The following MEGF11 variants were observed in gnomAD, a reference collection of about 807,000 sequenced individuals.
MEGF11 encodes the protein multiple EGF like domains 11, also known as multiple epidermal growth factor-like domains protein 11.
In MEGF11, 126 loss-of-function variants were observed where a neutral mutation model predicts 146.6. The observed-to-expected ratio is 0.86, with a 90% CI of 0.74 to 1.00. The LOEUF (loss-of-function observed/expected upper bound fraction) is 1.00. Ranked by LOEUF, MEGF11 falls within the 50% of genes least tolerant of loss-of-function variation. The pLI, the probability that MEGF11 is intolerant of heterozygous loss-of-function variation, is 0.00. For missense variants in MEGF11, 1,509 were observed against 1,521.2 expected (o/e 0.99, Z 0.13); for synonymous variants, 532 against 583.4 (o/e 0.91, Z 1.27).
chr15:66,113,904 C>A (rs111676321), intron 4 of MEGF11, among the ~76,000 whole-genome samples: 1 of 151,930 alleles, frequency 6.6e-6, no homozygotes, highest in East Asian at 1.9e-4. Context: ...AAAAAGAAAC[C>A]GTTGCCTAGT....
chr15:66,232,942 C>T (rs1446458305), intron 1 of MEGF11, among the ~76,000 whole-genome samples: 1 of 152,128 alleles, frequency 6.6e-6, no homozygotes, highest in East Asian at 1.9e-4. Flanking sequence ...GTGGAGGACC[C>T]TAGTCTGATA....
chr15:66,209,832 T>A (rs199943195), intron 1 of MEGF11, among the ~76,000 whole-genome samples: 3 of 149,588 alleles, frequency 2.0e-5, no homozygotes, highest in Admixed American at 1.3e-4. Context: ...ACAGAAATGT[T>A]TTTTTTTTTT....
At chr15:65,923,986 A>G (rs145294265) in intron 13 of MEGF11, among the ~76,000 whole-genome samples, 76 of 152,282 alleles carry the variant, frequency 5.0e-4, no homozygotes, top group African/African-American at 1.7e-3. Flanking sequence ...TGAATATCAG[A>G]GGCTCAGAGA....
intron 5 of MEGF11, among the ~76,000 whole-genome samples, chr15:66,047,550 A>T (rs1010550642): frequency 6.6e-6 from 1 of 152,178 alleles, no homozygotes; most frequent in Admixed American, 6.5e-5. Context: ...GCCATGAATA[A>T]CCTGTTCCAT....
intron 5 of MEGF11, among the ~76,000 whole-genome samples, chr15:66,026,779 C>A (rs1172699907): frequency 1.3e-5 from 2 of 152,100 alleles, no homozygotes; most frequent in South Asian, 4.1e-4. Context: ...TAAGCCACCA[C>A]ACCTGGCCGA....
Position 66,081,212 on chromosome 15 carries a change from T to C in MEGF11, c.394+13190A>G, listed in dbSNP as rs1286223329. On this transcript the variant is annotated intron_variant, in intron 5 of 25. Transcript: ENST00000395614. The stretch of plus-strand genomic sequence containing the variant: ...TCCAGGTCTGGGAATGAAGAGAGAA[T>C]CAGGGTGGCCATGAGCGGGGTGGCA... 2.0e-5 allele frequency among the ~76,000 whole-genome samples: 3 copies of C among 152,106 alleles called. No homozygotes were observed. The East Asian group carries it at 5.8e-4, about 29-fold the overall frequency.
At chr15:66,080,406 C>T (rs2085798642) in intron 5 of MEGF11, among the ~76,000 whole-genome samples, 1 of 151,974 alleles carries the variant, frequency 6.6e-6, no homozygotes, top group African/African-American at 2.4e-5. Flanking sequence ...ACTGCCCTCC[C>T]ATGATGGCCT....
rs534560644 is a variant in MEGF11 at position 65,995,755 on chromosome 15, G to A, written c.395-13267C>T. On this transcript the variant is annotated intron_variant, in intron 5 of 25. Transcript: ENST00000395614. The stretch of plus-strand genomic sequence containing the variant: ...ACTTGGGGATGATAAATATAACCAA[G>A]GATGATATTCAAATGACTTCCTTAC... 2.0e-5 allele frequency among the ~76,000 whole-genome samples: 3 copies of A among 152,322 alleles called. No homozygotes were observed. In the South Asian group the frequency reaches 6.2e-4, roughly 32 times the overall value.
Position 66,230,717 on chromosome 15 carries a change from G to T in MEGF11, c.-9+22888C>A, listed in dbSNP as rs148886713. Among the ~76,000 whole-genome samples, 55 of 152,356 alleles carry T rather than the reference G, an allele frequency of 3.6e-4. No homozygotes were observed. In the East Asian group the frequency reaches 8.3e-3, roughly 23 times the overall value. ...AAAATGCAAGTAATTGCTGAAGCAG[G>T]TGATGCGGACGTGGGAGTGCACTAT... On this transcript the variant is annotated intron_variant, in intron 1 of 25. Coordinates refer to ENST00000395614, the MANE Select transcript of MEGF11 (RefSeq NM_001385028.1).
At chr15:66,167,658 AAAACAAAC>A (rs146994991) in intron 1 of MEGF11, among the ~76,000 whole-genome samples, 41,352 of 151,016 alleles carry the variant, frequency 0.27, 5,891 homozygotes, top group East Asian at 0.54. Context: ...ACAAACAAAC[AAAACAAAC>A]AAACAAACAA....
rs1314421939 is a variant in MEGF11 at position 66,008,409 on chromosome 15, GCGCA to G, written c.395-25925_395-25922del. On this transcript the variant is annotated intron_variant, in intron 5 of 25. Coordinates refer to ENST00000395614, the MANE Select transcript of MEGF11 (RefSeq NM_001385028.1). ...ATGAAACACACATGCACACGCGCGC[GCGCA>G]CACACACACACACACACACACACAC... is the stretch of plus-strand genomic sequence containing the variant. 5.7e-3 allele frequency among the ~76,000 whole-genome samples: 267 copies of G among 46,546 alleles called. 1 individual carries two copies. Among genetic ancestry groups the G allele is most frequent in the African/African-American group, 0.015 (251 of 16,558 alleles). The allele number at this position is 46,546 out of a possible 152,430, so 30.5% of individuals were successfully genotyped here.
At chr15:66,130,763 C>T (rs563368258) in intron 1 of MEGF11, among the ~76,000 whole-genome samples, 2 of 55,922 alleles carry the variant, frequency 3.6e-5, no homozygotes, top group East Asian at 6.1e-4. Flanking sequence ...GAAGGAAATT[C>T]TCCTTGTCTC....
chr15:65,923,784 T>C (rs1361773593), intron 13 of MEGF11, among the ~76,000 whole-genome samples: 7 of 152,194 alleles, frequency 4.6e-5, no homozygotes, highest in African/African-American at 1.7e-4. Context: ...TAATAGTCTT[T>C]TTGGGCTCAG....
At chr15:66,178,492 C>T (rs892982281) in intron 1 of MEGF11, among the ~76,000 whole-genome samples, 2 of 152,188 alleles carry the variant, frequency 1.3e-5, no homozygotes, top group African/African-American at 4.8e-5. Context: ...TTGTTGCTGT[C>T]CATGAGGTTT....
At chr15:66,146,496 C>T (rs1222888127) in intron 1 of MEGF11, among the ~76,000 whole-genome samples, 2 of 152,252 alleles carry the variant, frequency 1.3e-5, no homozygotes, top group South Asian at 2.1e-4. Context: ...TCATCTGGAA[C>T]GAGTTGTTTT....
intron 19 of MEGF11, among the ~76,000 whole-genome samples, chr15:65,915,208 C>T (rs920751573): frequency 6.6e-6 from 1 of 152,206 alleles, no homozygotes; most frequent in Non-Finnish European, 1.5e-5. Context: ...GTGGCCTTTC[C>T]ATAGTACTAG....
At chr15:65,909,981 T>C (rs1374176812) in intron 21 of MEGF11, 175 bp from the exon 22 acceptor site, 8 of 702,026 alleles carry the variant, frequency 1.1e-5, no homozygotes, top group Non-Finnish European at 2.1e-5. Flanking sequence ...CATGGTGTGG[T>C]TGATGCTAGT....
intron 5 of MEGF11, among the ~76,000 whole-genome samples, chr15:66,013,179 A>G (rs908449434): frequency 3.3e-5 from 5 of 152,242 alleles, no homozygotes; most frequent in African/African-American, 1.2e-4. Context: ...GAGCTGGAGG[A>G]GACTAGAGGG....
chr15:66,190,379 G>A (rs537392648), intron 1 of MEGF11, among the ~76,000 whole-genome samples: 7 of 152,280 alleles, frequency 4.6e-5, no homozygotes, highest in South Asian at 2.1e-4. Context: ...TAGGACCGCA[G>A]GTGTGAGCTT....
Sources: allele counts gnomAD v4.1 joint callset (sites outside exome capture counted in the v4.1 genomes callset), GRCh38; gene constraint gnomAD v4.1.1; transcripts MANE v1.5; gene names NCBI Gene and HGNC (gene_info 2026-07-23, HGNC 2026-07-21).